The following KIAA0408 variants were observed in gnomAD, a reference collection of about 807,000 sequenced individuals.
The protein encoded by KIAA0408 is KIAA0408, also known as uncharacterized protein KIAA0408.
In KIAA0408, 51 loss-of-function variants were observed where a neutral mutation model predicts 60.9. The ratio of observed to expected loss-of-function variants is 0.84; its 90% confidence interval spans 0.67 to 1.06. The LOEUF (loss-of-function observed/expected upper bound fraction) is 1.06, where lower values mean the gene tolerates loss of function less well. Among genes scored for constraint, KIAA0408 ranks in the 50% least tolerant of loss-of-function variants. The pLI, the probability that KIAA0408 is intolerant of heterozygous loss-of-function variation, is 0.00. For synonymous variants in KIAA0408, 304 were observed against 282.4 expected (o/e 1.08, Z -0.77); for missense variants, 787 against 833.9 (o/e 0.94, Z 0.69).
In KIAA0408 at chr6:127,447,641, A is replaced by G; in HGVS notation, c.678T>C (p.Ser226=). The G allele has an allele frequency of 6.2e-7, 1 of 1,612,474 alleles. No individual in the cohort carries two copies. Among genetic ancestry groups the G allele is most frequent in the Non-Finnish European group, 8.5e-7 (1 of 1,179,536 alleles). The change falls in exon 5 of 6, where the codon AGT becomes AGC. Residue 226 remains serine (S), a synonymous_variant. Coordinates refer to ENST00000483725, the MANE Select transcript of KIAA0408 (RefSeq NM_014702.5). ...TGTTTTTCTGTTTTTCTTTTTCTAA[A>G]CTGATTGGAAGAATGCACTGGTCAT... is the stretch of plus-strand genomic sequence containing the variant. ...INNDQCILPI[S]LEKEKQKNRK...
In KIAA0408 at chr6:127,447,439, C is replaced by G; in HGVS notation, c.880G>C (p.Asp294His). The change falls in exon 5 of 6, where the codon GAC becomes CAC. Residue 294 changes from aspartate to histidine, a missense_variant. By Grantham distance (81) the Asp-to-His change is moderately conservative. Transcript: ENST00000483725. ...QAYERWKERL[D>H]HNSWVPHEGR... ...TCATGGGGCACCCAGCTGTTGTGGT[C>G]TAACCTTTCCTTCCATCTTTCATAG... The G allele has an allele frequency of 6.2e-7, 1 of 1,614,004 alleles. No individual in the cohort carries two copies. The highest frequency in any genetic ancestry group is 8.5e-7 in the Non-Finnish European group (1 of 1,179,950).
chr6:127,457,407 G>A (rs1458465996), intron 1 of KIAA0408, among the ~76,000 whole-genome samples: 2 of 152,220 alleles, frequency 1.3e-5, no homozygotes, highest in Non-Finnish European at 2.9e-5. Context: ...TGGCATCTAT[G>A]TGGGAGAGAA....
At chr6:127,452,401 T>C (rs1773316873) in intron 2 of KIAA0408, among the ~76,000 whole-genome samples, 1 of 152,146 alleles carries the variant, frequency 6.6e-6, no homozygotes, top group Non-Finnish European at 1.5e-5. Context: ...TAAAAAAATA[T>C]GACAGCCCGT....
In KIAA0408 at chr6:127,438,464, A is replaced by T. The variant is rs1458371108; in HGVS notation, c.*5645T>A. The T allele has an allele frequency of 6.6e-6, 1 of 152,212 alleles. No individual in the cohort carries two copies. Among genetic ancestry groups the T allele is most frequent in the African/African-American group, 2.4e-5 (1 of 41,456 alleles). 9.4% of individuals were successfully genotyped at this position (152,212 alleles called of 1,614,324 possible). ...AAATTGCCATGAGTAAGTAATTGAA[A>T]AATAAAGCTTCAAAAATAAACTGGC... On this transcript the variant is annotated 3_prime_UTR_variant, in exon 6 of 6. Transcript: ENST00000483725.
rs745488624 is a variant in KIAA0408, at chr6:127,446,880, G to C, written c.1439C>G (p.Thr480Ser). 6.2e-7 allele frequency: 1 copy of C among 1,614,020 alleles called. No homozygotes were observed. The highest frequency in any genetic ancestry group is 8.5e-7 in the Non-Finnish European group (1 of 1,179,964). Residue 480 changes from threonine to serine, a missense_variant, in exon 5 of 6, where the codon ACT (threonine) becomes AGT (serine). This residue lies in a region of KIAA0408 where 640 missense variants were observed against 681.3 expected (regional missense o/e 0.94). Coordinates refer to ENST00000483725, the MANE Select transcript of KIAA0408 (RefSeq NM_014702.5). ...ACTTTGTGATATGCTACCTGTGTGA[G>C]TAGATGAGGTATCACAGGGCTTGAG... ...EDLKPCDTSSTHTGSISQSND... is the reference protein window; with the variant it reads ...EDLKPCDTSSSHTGSISQSND...
intron 1 of KIAA0408, among the ~76,000 whole-genome samples, chr6:127,456,187 A>C (rs1583072741): frequency 6.6e-6 from 1 of 152,184 alleles, no homozygotes; most frequent in African/African-American, 2.4e-5. Context: ...CAAAGAAACT[A>C]AAAAAGGATG....
chr6:127,451,246 A>G, intron 2 of KIAA0408: 1 of 453,930 alleles, frequency 2.2e-6, no homozygotes, highest in Middle Eastern at 3.6e-4. Flanking sequence ...GTATTATTCA[A>G]GTAATATAAT....
rs560229923 is a variant in KIAA0408, at chr6:127,444,165, G to A, written c.2029C>T (p.Arg677Trp). The A allele has an allele frequency of 5.6e-6, 9 of 1,613,854 alleles. No homozygotes were observed. The highest frequency in any genetic ancestry group is 3.3e-5 in the Admixed American group (2 of 59,954). The stretch of plus-strand genomic sequence containing the variant: ...ATGGTATAGTTGTGGGTAGTTCTCC[G>A]CAAGGCAGGGGGTGCAGATGGAGAT... ...SRSPSAPPAL[R>W]RTTHNYTISL... Residue 677 changes from arginine (R) to tryptophan (W), a missense_variant, in exon 6 of 6, where the codon CGG becomes TGG. Physicochemically the swap from Arg to Trp is moderately radical, Grantham distance 101. This residue lies in a region of KIAA0408 where 133 missense variants were observed against 119.2 expected (regional missense o/e 1.12). Coordinates refer to ENST00000483725, the MANE Select transcript of KIAA0408 (RefSeq NM_014702.5).
chr6:127,446,455 C>T lies in KIAA0408; in HGVS notation c.1864G>A (p.Gly622Arg), dbSNP rs552847782. The T allele has an allele frequency of 4.3e-6, 7 of 1,613,736 alleles. No individual in the cohort carries two copies. The highest frequency in any genetic ancestry group is 3.3e-5 in the Admixed American group (2 of 60,008). ...ATTCCTTGCTTCACTTCCTGTCCCC[C>T]CCACACAGCTGTCTTTTGCTGAAAC... is the stretch of plus-strand genomic sequence containing the variant. The part of the protein sequence containing the change: ...QQFQQKTAVW[G>R]GQEVKQGIDP... Residue 622 changes from glycine to arginine, a missense_variant, in exon 5 of 6, where the codon GGG (glycine) becomes AGG (arginine). Coordinates refer to ENST00000483725, the MANE Select transcript of KIAA0408 (RefSeq NM_014702.5).
chr6:127,448,690 CAG>C (rs1351408179), intron 4 of KIAA0408, among the ~76,000 whole-genome samples: 1 of 151,952 alleles, frequency 6.6e-6, no homozygotes, highest in African/African-American at 2.4e-5. Context: ...TACCTATTAA[CAG>C]AGAATAGAAA....
At position 127,449,990 on chromosome 6, in the gene KIAA0408, T is replaced by C. The variant is rs747290085; in HGVS notation, c.498A>G (p.Thr166=). The change falls in exon 3 of 6, where the codon ACA becomes ACG. Residue 166 remains threonine, a splice_region_variant and synonymous_variant. Transcript: ENST00000483725. The part of the protein sequence containing the change: ...DSKSCSGALS[T]ALEELAKVSE... ...TCTAGGCCAATCACATCTTACTTACTGTACTGAGGGCGCCAGAACAGCTCT... is the reference window on the plus strand; with the variant it reads ...TCTAGGCCAATCACATCTTACTTACCGTACTGAGGGCGCCAGAACAGCTCT... 17 of 1,613,568 alleles carry C rather than the reference T, an allele frequency of 1.1e-5. No individual in the cohort carries two copies. Among genetic ancestry groups the C allele is most frequent in the East Asian group, 4.5e-5 (2 of 44,880 alleles).
chr6:127,456,556 C>T, intron 1 of KIAA0408, among the ~76,000 whole-genome samples: 1 of 152,078 alleles, frequency 6.6e-6, no homozygotes, highest in East Asian at 1.9e-4. Context: ...TGGAGAAGGA[C>T]CAATGTATGG....
rs761468408 is a variant in KIAA0408, at chr6:127,444,130, T to A, written c.2064A>T (p.Arg688=). The A allele has an allele frequency of 6.2e-7, 1 of 1,614,020 alleles. No individual in the cohort carries two copies. Among genetic ancestry groups the A allele is most frequent in the Non-Finnish European group, 8.5e-7 (1 of 1,179,966 alleles). ...RTTHNYTISL[R]SEALMV ...AGACTTAAACCATCAATGCTTCGGA[T>A]CGCAGAGAAATGGTATAGTTGTGGG... Residue 688 remains arginine, a synonymous_variant, in exon 6 of 6, where the codon CGA becomes CGT. Coordinates refer to ENST00000483725, the MANE Select transcript of KIAA0408 (RefSeq NM_014702.5).
rs1198240497 is a variant in KIAA0408, at chr6:127,446,518, A to ATG, written c.1799_1800dup (p.Leu601HisfsTer2). ...TGGAGCATTTCTAAATGCTGACTTA[A>ATG]TGTGGCACCACCACTGACATCAGAA... On this transcript the variant is annotated frameshift_variant, in exon 5 of 6. Coordinates refer to ENST00000483725, the MANE Select transcript of KIAA0408 (RefSeq NM_014702.5). LOFTEE classifies it high-confidence loss of function. 6.2e-7 allele frequency: 1 copy of ATG among 1,614,024 alleles called. No individual in the cohort carries two copies. Among genetic ancestry groups the ATG allele is most frequent in the African/African-American group, 1.3e-5 (1 of 74,912 alleles).
rs1467026810 is a variant in KIAA0408 at position 127,443,497 on chromosome 6, G to A, written c.*612C>T. On this transcript the variant is annotated 3_prime_UTR_variant, in exon 6 of 6. Transcript: ENST00000483725. ...AATGGTATTATTTTATCCTTATATG[G>A]GTTAAGAAATTATTTATGAGTTGTC... The A allele has an allele frequency of 6.6e-6, 1 of 152,000 alleles. No individual in the cohort carries two copies. The highest frequency in any genetic ancestry group is 1.5e-5 in the Non-Finnish European group (1 of 67,992). 9.4% of individuals were successfully genotyped at this position (152,000 alleles called of 1,614,324 possible).
chr6:127,457,525 T>C (rs944837900), intron 1 of KIAA0408, among the ~76,000 whole-genome samples: 1 of 152,206 alleles, frequency 6.6e-6, no homozygotes, highest in Admixed American at 6.6e-5. Context: ...TTAGAGCAAA[T>C]GTAAGAGGAC....
chr6:127,448,988 C>T (rs1005235382), intron 4 of KIAA0408, among the ~76,000 whole-genome samples: 6 of 152,032 alleles, frequency 3.9e-5, no homozygotes, highest in African/African-American at 1.4e-4. Context: ...TTGTGGCACG[C>T]GTACATGTGT....
At position 127,450,306 on chromosome 6, in the gene KIAA0408, C is replaced by T. The variant is rs757724668; in HGVS notation, c.182G>A (p.Ser61Asn). 251 of 1,610,272 alleles carry T rather than the reference C, an allele frequency of 1.6e-4. No homozygotes were observed. Among genetic ancestry groups the T allele is most frequent in the Non-Finnish European group, 1.9e-4 (228 of 1,179,088 alleles). The change falls in exon 3 of 6, where the codon AGT becomes AAT. Residue 61 changes from serine (S) to asparagine (N), a missense_variant. By Grantham distance (46) the Ser-to-Asn change is conservative. Coordinates refer to ENST00000483725, the MANE Select transcript of KIAA0408 (RefSeq NM_014702.5). Reference protein sequence around the residue: ...KLWRKININESAKIIDLYHEK... With the variant: ...KLWRKININENAKIIDLYHEK... ...ATGGTAAAGATCAATGATCTTAGCA[C>T]TTTCATTGATATTGATTTTCCTCCA...
chr6:127,444,154 G>T lies in KIAA0408; in HGVS notation c.2040C>A (p.Thr680=). Residue 680 remains threonine, a synonymous_variant, in exon 6 of 6, where the codon ACC becomes ACA. Transcript: ENST00000483725. ...ATCGCAGAGAAATGGTATAGTTGTG[G>T]GTAGTTCTCCGCAAGGCAGGGGGTG... The part of the protein sequence containing the change: ...PSAPPALRRT[T]HNYTISLRSE... 1 of 1,613,994 alleles carries T rather than the reference G, an allele frequency of 6.2e-7. No individual in the cohort carries two copies. The highest frequency in any genetic ancestry group is 2.2e-5 in the East Asian group (1 of 44,856).
Sources: allele counts gnomAD v4.1 joint callset (sites outside exome capture counted in the v4.1 genomes callset), GRCh38; gene constraint gnomAD v4.1.1; regional missense constraint gnomAD v4.1.1; transcripts MANE v1.5; gene names NCBI Gene and HGNC (gene_info 2026-07-23, HGNC 2026-07-21).